The following CACNA2D1 variants were observed in gnomAD, a reference collection of about 807,000 sequenced individuals.
CACNA2D1 encodes the protein voltage-dependent calcium channel subunit alpha-2/delta-1.
CACNA2D1 carries 53 observed loss-of-function variants against 171.5 expected under a neutral mutation model. That is an observed-to-expected ratio of 0.31 (90% confidence interval 0.25 to 0.39). CACNA2D1 has a LOEUF of 0.39. Among genes scored for constraint, CACNA2D1 ranks in the 10% least tolerant of loss-of-function variants. The probability of loss-of-function intolerance (pLI) is 1.00; values close to 1 mark genes in which losing one functional copy is unlikely to be tolerated. For synonymous variants in CACNA2D1, 442 were observed against 443.1 expected, an observed-to-expected ratio of 1.00 and a Z score of 0.03; for missense variants, 903 against 1,299.8, an observed-to-expected ratio of 0.69 and a Z score of 4.69.
At chr7:82,172,793 A>T (rs1164015537) in intron 3 of CACNA2D1, among the ~76,000 whole-genome samples, 1 of 151,536 alleles carries the variant, frequency 6.6e-6, no homozygotes, top group Non-Finnish European at 1.5e-5. Context: ...TTAAAAAAAA[A>T]AAAAAGCAGT....
intron 10 of CACNA2D1, among the ~76,000 whole-genome samples, chr7:82,053,430 C>A (rs866369243): frequency 3.3e-5 from 5 of 151,444 alleles, no homozygotes; most frequent in African/African-American, 1.2e-4. Context: ...AGTTTTCAAT[C>A]ATAAAAATGT....
chr7:82,114,125 C>T (rs6968753), intron 6 of CACNA2D1, among the ~76,000 whole-genome samples: 55,068 of 151,836 alleles, frequency 0.36, 10,314 homozygotes, highest in African/African-American at 0.45. Flanking sequence ...ACATTGTTTA[C>T]ACAAATTAAT....
At chr7:82,081,112 C>T (rs1324731010) in intron 7 of CACNA2D1, among the ~76,000 whole-genome samples, 1 of 152,112 alleles carries the variant, frequency 6.6e-6, no homozygotes, top group Non-Finnish European at 1.5e-5. Context: ...TCAAGTCTTC[C>T]ATGTAAAAGT....
chr7:82,305,181 A>C (rs1813564269), intron 3 of CACNA2D1, among the ~76,000 whole-genome samples: 1 of 152,200 alleles, frequency 6.6e-6, no homozygotes, highest in Non-Finnish European at 1.5e-5. Flanking sequence ...CATTTGAATT[A>C]AGACACTGTA....
At chr7:82,424,350 C>T (rs533117250) in intron 1 of CACNA2D1, among the ~76,000 whole-genome samples, 3 of 152,234 alleles carry the variant, frequency 2.0e-5, no homozygotes, top group East Asian at 1.9e-4. Flanking sequence ...AGCACGTCAT[C>T]GTTATTTTTT....
chr7:81,958,099 AAAAG>A (rs142522220), intron 38 of CACNA2D1, among the ~76,000 whole-genome samples: 3,341 of 151,970 alleles, frequency 0.022, 123 homozygotes, highest in African/African-American at 0.077. Flanking sequence ...ATATATCTTA[AAAAG>A]AAAAAAAAAA....
chr7:82,241,921 A>G (rs1804349050), intron 3 of CACNA2D1, among the ~76,000 whole-genome samples: 1 of 152,168 alleles, frequency 6.6e-6, no homozygotes, highest in African/African-American at 2.4e-5. Flanking sequence ...CACAGAGAAC[A>G]TATTACTTTC....
chr7:81,971,788 C>T lies in CACNA2D1; in HGVS notation c.2130G>A (p.Lys710=). Residue 710 remains lysine, a synonymous_variant, in exon 26 of 39, where the codon AAG becomes AAA. Transcript: ENST00000356860. ...GAACAAATACTTACATATTTTTCTG[C>T]TTACTCCAGTAATTTTGGACAAGTT... ...TNELVQNYWS[K]QKNIKGVKAR... The T allele has an allele frequency of 6.3e-7, 1 of 1,579,972 alleles. No homozygotes were observed. Among genetic ancestry groups the T allele is most frequent in the Non-Finnish European group, 8.7e-7 (1 of 1,149,880 alleles).
chr7:82,179,017 A>C (rs953446577), intron 3 of CACNA2D1, among the ~76,000 whole-genome samples: 3 of 151,770 alleles, frequency 2.0e-5, no homozygotes, highest in Admixed American at 6.6e-5. Context: ...TCAGTATTAT[A>C]ATACTTTGAC....
intron 5 of CACNA2D1, among the ~76,000 whole-genome samples, chr7:82,125,641 G>A (rs1790247056): frequency 6.6e-6 from 1 of 152,074 alleles, no homozygotes; most frequent in Admixed American, 6.6e-5. Context: ...TACTCAGGAG[G>A]CCGAGGTGGG....
chr7:82,431,280 C>A (rs555558269), intron 1 of CACNA2D1, among the ~76,000 whole-genome samples: 22 of 152,276 alleles, frequency 1.4e-4, no homozygotes, highest in African/African-American at 5.3e-4. Context: ...CTCACTAATC[C>A]ATAGTCATCA....
At chr7:82,390,426 C>T (rs1299587918) in intron 1 of CACNA2D1, among the ~76,000 whole-genome samples, 6 of 152,002 alleles carry the variant, frequency 3.9e-5, no homozygotes, top group Non-Finnish European at 1.5e-5. Flanking sequence ...TGGTATTCTC[C>T]CTGCTCTCAG....
rs1459996198 is a variant in CACNA2D1, at chr7:81,969,992, G to A, written c.2205-8C>T. 1 of 1,499,936 alleles carries A rather than the reference G, an allele frequency of 6.7e-7. No individual in the cohort carries two copies. Among genetic ancestry groups the A allele is most frequent in the Non-Finnish European group, 9.3e-7 (1 of 1,077,122 alleles). The allele number at this position is 1,499,936 out of a possible 1,614,324, so 92.9% of individuals were successfully genotyped here. The stretch of plus-strand genomic sequence containing the variant: ...TGCCAATTTTCTCCAGCCCTAAGGA[G>A]GAAATGGCTCATCATTTGTATTCTT... On this transcript the variant is annotated splice_region_variant and splice_polypyrimidine_tract_variant and intron_variant, in intron 27 of 38. Coordinates refer to ENST00000356860, the MANE Select transcript of CACNA2D1 (RefSeq NM_000722.4).
At chr7:82,280,432 T>A (rs1438997922) in intron 3 of CACNA2D1, among the ~76,000 whole-genome samples, 1 of 152,186 alleles carries the variant, frequency 6.6e-6, no homozygotes, top group Non-Finnish European at 1.5e-5. Flanking sequence ...TATGCTAATA[T>A]CTTCCCAAAT....
At chr7:81,990,064 AG>A (rs1797379522) in intron 21 of CACNA2D1, among the ~76,000 whole-genome samples, 1 of 152,068 alleles carries the variant, frequency 6.6e-6, no homozygotes, top group Non-Finnish European at 1.5e-5. Context: ...TTTTGGAGTC[AG>A]TGACTAAGGT....
At chr7:82,052,906 G>A (rs925399319) in intron 10 of CACNA2D1, among the ~76,000 whole-genome samples, 27 of 152,070 alleles carry the variant, frequency 1.8e-4, no homozygotes, top group African/African-American at 6.5e-4. Context: ...ACCTCACAGG[G>A]TTGCTGTAAA....
chr7:82,231,041 C>A (rs1314954824), intron 3 of CACNA2D1, among the ~76,000 whole-genome samples: 1 of 152,124 alleles, frequency 6.6e-6, no homozygotes, highest in Non-Finnish European at 1.5e-5. Context: ...AGCAAATGTT[C>A]CTCTTGAAAT....
chr7:82,354,397 G>A (rs1325156117), intron 1 of CACNA2D1, among the ~76,000 whole-genome samples: 1 of 152,118 alleles, frequency 6.6e-6, no homozygotes, highest in Admixed American at 6.6e-5. Context: ...ATGAGAATGT[G>A]GAAGTGGGGG....
intron 3 of CACNA2D1, among the ~76,000 whole-genome samples, chr7:82,236,795 T>G (rs2129288277): frequency 6.6e-6 from 1 of 152,044 alleles, no homozygotes; most frequent in African/African-American, 2.4e-5. Flanking sequence ...ACCATGTTCT[T>G]AATATTTCCT....
Sources: allele counts gnomAD v4.1 joint callset (sites outside exome capture counted in the v4.1 genomes callset), GRCh38; gene constraint gnomAD v4.1.1; transcripts MANE v1.5; gene names NCBI Gene and HGNC (gene_info 2026-07-23, HGNC 2026-07-21).